Variants in PTPRT observed in about 807,000 individuals in gnomAD.
PTPRT encodes the protein protein tyrosine phosphatase receptor type T, also known as receptor-type tyrosine-protein phosphatase T.
A neutral mutation model predicts 176.8 loss-of-function variants in PTPRT; 56 were observed. That is an observed-to-expected ratio of 0.32 (90% confidence interval 0.26 to 0.40). The LOEUF (loss-of-function observed/expected upper bound fraction) is 0.40. PTPRT is among the 10% of genes least tolerant of loss of function. The probability of loss-of-function intolerance (pLI) is 1.00; values close to 1 mark genes in which losing one functional copy is unlikely to be tolerated. For missense variants in PTPRT, 1,540 were observed against 1,908.2 expected (o/e 0.81, Z 3.60); for synonymous variants, 783 against 739.0 (o/e 1.06, Z -0.96).
intron 1 of PTPRT, among the ~76,000 whole-genome samples, chr20:43,013,284 T>C (rs1341758663): frequency 6.6e-6 from 1 of 152,110 alleles, no homozygotes; most frequent in Non-Finnish European, 1.5e-5. Context: ...GACCCATGTG[T>C]GGGGTATGGA....
intron 7 of PTPRT, among the ~76,000 whole-genome samples, chr20:42,534,213 C>T (rs1317586987): frequency 6.6e-6 from 1 of 152,242 alleles, no homozygotes; most frequent in Non-Finnish European, 1.5e-5. Context: ...ACATTGCCTT[C>T]ATTGGGAGCT....
chr20:42,096,351 C>T (rs1172349528), intron 27 of PTPRT, among the ~76,000 whole-genome samples: 1 of 151,960 alleles, frequency 6.6e-6, no homozygotes, highest in Non-Finnish European at 1.5e-5. Flanking sequence ...GCCTGTAATC[C>T]CAGCACTTCA....
chr20:42,201,952 T>C (rs1301415219), intron 15 of PTPRT, among the ~76,000 whole-genome samples: 3 of 142,044 alleles, frequency 2.1e-5, no homozygotes, highest in Admixed American at 7.0e-5. Context: ...AAAAGTTGCG[T>C]GTGTGTGTGT....
At chr20:42,733,598 G>A (rs1015317523) in intron 6 of PTPRT, among the ~76,000 whole-genome samples, 1 of 152,182 alleles carries the variant, frequency 6.6e-6, no homozygotes, top group African/African-American at 2.4e-5. Context: ...CGCCAGAGCC[G>A]AGGGCTGCCT....
At chr20:42,197,918 G>C (rs1991297250) in intron 16 of PTPRT, among the ~76,000 whole-genome samples, 1 of 152,126 alleles carries the variant, frequency 6.6e-6, no homozygotes, top group African/African-American at 2.4e-5. Context: ...CAGTATCTAA[G>C]CATAGCTATT....
chr20:42,099,679 T>G (rs1985733792), intron 26 of PTPRT, among the ~76,000 whole-genome samples: 1 of 152,052 alleles, frequency 6.6e-6, no homozygotes, highest in South Asian at 2.1e-4. Flanking sequence ...GCTTGATATG[T>G]TTTCTCAAGA....
At chr20:42,751,835 C>T (rs1336348815) in intron 6 of PTPRT, among the ~76,000 whole-genome samples, 1 of 152,156 alleles carries the variant, frequency 6.6e-6, no homozygotes, top group Non-Finnish European at 1.5e-5. Context: ...GGTTTTGGAA[C>T]TCTAACTGAG....
intron 1 of PTPRT, among the ~76,000 whole-genome samples, chr20:43,187,669 G>A (rs2015428908): frequency 6.6e-6 from 1 of 152,056 alleles, no homozygotes. Context: ...CTATATCGCA[G>A]GTTTGCAGAA....
intron 18 of PTPRT, among the ~76,000 whole-genome samples, chr20:42,133,775 T>A (rs779259018): frequency 6.6e-6 from 1 of 152,160 alleles, no homozygotes; most frequent in Non-Finnish European, 1.5e-5. Context: ...GGAAACAGTA[T>A]GTGGGTGGGA....
chr20:42,248,671 A>T lies in PTPRT; in HGVS notation c.2312+16T>A. 1 of 1,613,384 alleles carries T rather than the reference A, an allele frequency of 6.2e-7. No individual in the cohort carries two copies. Among genetic ancestry groups the T allele is most frequent in the Non-Finnish European group, 8.5e-7 (1 of 1,179,590 alleles). On this transcript the variant is annotated intron_variant, in intron 14 of 30. Transcript: ENST00000373187. Reference sequence around the variant, plus strand: ...CTCGGGTCAGCAGAGTCTTGCAGGCAGCAGCAGAGACTCACCTCCTTTTGA... The same window carrying T: ...CTCGGGTCAGCAGAGTCTTGCAGGCTGCAGCAGAGACTCACCTCCTTTTGA...
At chr20:42,276,401 T>C (rs1418316279) in intron 13 of PTPRT, among the ~76,000 whole-genome samples, 1 of 148,506 alleles carries the variant, frequency 6.7e-6, no homozygotes, top group Non-Finnish European at 1.5e-5. Context: ...GCTGTGGCTT[T>C]TTCCTTAGAG....
rs532450351 is a variant in PTPRT, at chr20:42,880,861, T to C, written c.214+4946A>G. Among the ~76,000 whole-genome samples, 42 of 152,116 alleles carry C rather than the reference T, an allele frequency of 2.8e-4. 2 individuals carry two copies. The South Asian group carries it at 8.7e-3, about 32-fold the overall frequency. On this transcript the variant is annotated intron_variant, in intron 2 of 30. Transcript: ENST00000373187. ...TGTATTTAGGTTGACACAAAAGTAG[T>C]TGTGGTTTTTGCCATTACTTTCAAT...
the PTPRT span, chr20:42,064,017 T>C: frequency 2.0e-5 from 3 of 151,630 alleles, no homozygotes; most frequent in Non-Finnish European, 2.9e-5. Context: ...AGAGGAGTTT[T>C]CCCTGTCATT....
chr20:42,341,908 C>G (rs2058116800), intron 11 of PTPRT, among the ~76,000 whole-genome samples: 1 of 152,186 alleles, frequency 6.6e-6, no homozygotes, highest in Non-Finnish European at 1.5e-5. Context: ...TGTTTTTCCT[C>G]CTTGGTTGGA....
At chr20:42,245,630 A>T (rs1222354419) in intron 14 of PTPRT, among the ~76,000 whole-genome samples, 2 of 152,140 alleles carry the variant, frequency 1.3e-5, no homozygotes, top group Non-Finnish European at 2.9e-5. Flanking sequence ...TCATCCATGG[A>T]TCTCAAGCCC....
chr20:42,892,383 AC>A (rs1306931958), intron 1 of PTPRT, among the ~76,000 whole-genome samples: 2 of 152,104 alleles, frequency 1.3e-5, no homozygotes, highest in African/African-American at 4.8e-5. Context: ...CATTGCTCCA[AC>A]CCAGCATTCT....
chr20:42,289,503 G>A (rs1413099886), intron 12 of PTPRT, among the ~76,000 whole-genome samples: 4 of 151,852 alleles, frequency 2.6e-5, no homozygotes, highest in Non-Finnish European at 5.9e-5. Flanking sequence ...AAAAGAAGAC[G>A]TATAAGTGGC....
chr20:42,118,577 G>T, intron 20 of PTPRT, 77 bp from the exon 21 acceptor site: 1 of 1,269,770 alleles, frequency 7.9e-7, no homozygotes, highest in Non-Finnish European at 1.1e-6. Flanking sequence ...CCCCCGGTTG[G>T]TCAAGTCTCC....
chr20:42,113,156 A>T (rs1289810952), intron 22 of PTPRT, among the ~76,000 whole-genome samples: 1 of 152,166 alleles, frequency 6.6e-6, no homozygotes, highest in African/African-American at 2.4e-5. Context: ...AAGCCCAGTT[A>T]ATCCTCAGAG....
Sources: gnomAD v4.1 joint callset for allele counts (sites outside exome capture counted in the v4.1 genomes callset) on GRCh38, gnomAD v4.1.1 for gene constraint, MANE v1.5 for transcripts, NCBI Gene and HGNC (gene_info 2026-07-23, HGNC 2026-07-21) for gene names.